The following RORA variants were observed in gnomAD, a reference collection of about 807,000 sequenced individuals.
RORA encodes the protein RAR related orphan receptor A, also known as nuclear receptor ROR-alpha.
RORA carries 7 observed loss-of-function variants against 69.5 expected under a neutral mutation model. The observed-to-expected ratio is 0.10, with a 90% confidence interval of 0.06 to 0.19. The LOEUF is 0.19. Among genes scored for constraint, RORA ranks in the 10% least tolerant of loss-of-function variants. The pLI is 1.00. For missense variants in RORA, 457 were observed against 663.0 expected (o/e 0.69, Z 3.41); for synonymous variants, 261 against 240.8 (o/e 1.08, Z -0.78).
intron 1 of RORA, among the ~76,000 whole-genome samples, chr15:60,817,789 C>A (rs959500175): frequency 6.6e-6 from 1 of 152,240 alleles, no homozygotes; most frequent in Non-Finnish European, 1.5e-5. Context: ...CAGAGAGAAT[C>A]ATACCTACCT....
chr15:61,176,967 A>G (rs2079634593), intron 1 of RORA, among the ~76,000 whole-genome samples: 1 of 152,206 alleles, frequency 6.6e-6, no homozygotes, highest in Non-Finnish European at 1.5e-5. Context: ...CATTTATTGA[A>G]TGCCTGCTCT....
chr15:60,695,997 A>G (rs2070898671), intron 1 of RORA, among the ~76,000 whole-genome samples: 1 of 152,110 alleles, frequency 6.6e-6, no homozygotes, highest in African/African-American at 2.4e-5. Flanking sequence ...AAGAACTCCT[A>G]CATCACTTAT....
chr15:60,989,457 C>T (rs1346528655), intron 1 of RORA, among the ~76,000 whole-genome samples: 4 of 152,092 alleles, frequency 2.6e-5, no homozygotes, highest in Admixed American at 1.3e-4. Context: ...ATTTATGTAT[C>T]CATTAATCAG....
chr15:60,831,981 T>C (rs1046415426), intron 1 of RORA, among the ~76,000 whole-genome samples: 2 of 152,218 alleles, frequency 1.3e-5, no homozygotes, highest in African/African-American at 4.8e-5. Context: ...GGACAGTGTC[T>C]GCTGAGCTGC....
chr15:60,945,360 G>A (rs1892839344), intron 1 of RORA, among the ~76,000 whole-genome samples: 1 of 152,180 alleles, frequency 6.6e-6, no homozygotes, highest in Admixed American at 6.5e-5. Context: ...ATGGAGGCAA[G>A]TGGTGCCAAC....
chr15:61,063,422 A>G (rs1009893611), intron 1 of RORA, among the ~76,000 whole-genome samples: 1 of 152,276 alleles, frequency 6.6e-6, no homozygotes, highest in Non-Finnish European at 1.5e-5. Flanking sequence ...CAGTAAATGT[A>G]TAAAGCATTT....
chr15:60,850,840 G>A (rs2073316122), intron 1 of RORA, among the ~76,000 whole-genome samples: 1 of 152,136 alleles, frequency 6.6e-6, no homozygotes. Flanking sequence ...TCCTTGCTTT[G>A]GGAATGTTTC....
intron 1 of RORA, among the ~76,000 whole-genome samples, chr15:60,924,790 G>A (rs1892158469): frequency 6.6e-6 from 1 of 152,124 alleles, no homozygotes; most frequent in Non-Finnish European, 1.5e-5. Context: ...GGATTTAAAG[G>A]TAATCAGGCC....
intron 1 of RORA, among the ~76,000 whole-genome samples, chr15:61,004,324 G>C (rs1287544486): frequency 6.6e-6 from 1 of 151,672 alleles, no homozygotes; most frequent in Non-Finnish European, 1.5e-5. Context: ...AAATAATACA[G>C]CAAGAGGAAG....
In RORA at chr15:61,061,082, G is replaced by A. The variant is rs550854079; in HGVS notation, c.166+167971C>T. Among the ~76,000 whole-genome samples, 62 of 152,232 alleles carry A rather than the reference G, an allele frequency of 4.1e-4. No homozygotes were observed. The highest frequency in any genetic ancestry group is 1.4e-3 in the African/African-American group (57 of 41,556). ...AAAGGGCATTGCAAGGGCTGGGCGC[G>A]GTGGCTCGTGCCTGTAATCCCAGCA... On this transcript the variant is annotated intron_variant, in intron 1 of 10. Coordinates refer to ENST00000335670, the MANE Select transcript of RORA (RefSeq NM_134261.3). This position sits in a 1 kb window ranked among gnomAD's most constrained non-coding sequence, Gnocchi z 4.4.
chr15:60,813,659 T>G (rs2072773718), intron 1 of RORA, among the ~76,000 whole-genome samples: 1 of 152,156 alleles, frequency 6.6e-6, no homozygotes, highest in Non-Finnish European at 1.5e-5. Flanking sequence ...CTGGCCACAG[T>G]TGAGGGAGTA....
chr15:61,185,818 C>T (rs571418366), intron 1 of RORA, among the ~76,000 whole-genome samples: 1 of 152,262 alleles, frequency 6.6e-6, no homozygotes, highest in South Asian at 2.1e-4. Context: ...AGAAGGTCGT[C>T]GGCAGTCACA....
intron 1 of RORA, among the ~76,000 whole-genome samples, chr15:60,975,686 G>A (rs928789021): frequency 2.0e-5 from 3 of 152,134 alleles, no homozygotes; most frequent in East Asian, 1.9e-4. Context: ...GTAATCATGC[G>A]TATGTGTGAG....
In RORA at chr15:60,725,696, A is replaced by G. The variant is rs543569168; in HGVS notation, c.167-47010T>C. Reference sequence around the variant, plus strand: ...CTTTTTTGTACCCCCTCCCATGGAAATTTCTTGACAAGAGATCATTGTGAC... The same window carrying G: ...CTTTTTTGTACCCCCTCCCATGGAAGTTTCTTGACAAGAGATCATTGTGAC... On this transcript the variant is annotated intron_variant, in intron 1 of 10. Coordinates refer to ENST00000335670, the MANE Select transcript of RORA (RefSeq NM_134261.3). Among the ~76,000 whole-genome samples the G allele has an allele frequency of 9.5e-4, 144 of 152,276 alleles. 1 individual carries two copies. Among genetic ancestry groups the G allele is most frequent in the Middle Eastern group, 3.4e-3 (1 of 294 alleles).
chr15:60,499,086 T>C (rs751777097), intron 10 of RORA, among the ~76,000 whole-genome samples: 15 of 152,186 alleles, frequency 9.9e-5, no homozygotes, highest in Non-Finnish European at 1.8e-4. Context: ...TGAAACCTTA[T>C]GCTTTGAATA....
rs1595817774 is a variant in RORA, at chr15:60,921,292, C to G, written c.167-242606G>C. Among the ~76,000 whole-genome samples, 3 of 152,280 alleles carry G rather than the reference C, an allele frequency of 2.0e-5. No homozygotes were observed. The East Asian group carries it at 5.8e-4, about 29-fold the overall frequency. On this transcript the variant is annotated intron_variant, in intron 1 of 10. Coordinates refer to ENST00000335670, the MANE Select transcript of RORA (RefSeq NM_134261.3). ...AATGGAAATACCACTAATTCCATCC[C>G]TAACAGAATGGATCAATCATGGCAC...
At chr15:60,763,096 T>TTTTTTTTTTTTTTTA (rs375632043) in intron 1 of RORA, among the ~76,000 whole-genome samples, 4 of 109,368 alleles carry the variant, frequency 3.7e-5, no homozygotes, top group Non-Finnish European at 5.8e-5. Flanking sequence ...TTTTTTTTTT[T>TTTTTTTTTTTTTTTA]AACCAACCTA....
At chr15:60,692,926 G>C (rs1369149409) in intron 1 of RORA, among the ~76,000 whole-genome samples, 1 of 152,148 alleles carries the variant, frequency 6.6e-6, no homozygotes, top group African/African-American at 2.4e-5. Context: ...TTGAAAAAGA[G>C]GGACTCCTCC....
At chr15:60,720,458 C>CT (rs2071279666) in intron 1 of RORA, among the ~76,000 whole-genome samples, 1 of 152,188 alleles carries the variant, frequency 6.6e-6, no homozygotes, top group African/African-American at 2.4e-5. Context: ...ACCCAGTCAC[C>CT]TTTTATCAAG....
Sources: gnomAD v4.1 joint callset for allele counts (sites outside exome capture counted in the v4.1 genomes callset) on GRCh38, gnomAD v4.1.1 for gene constraint, Gnocchi (gnomAD v3.1) non-coding constraint, MANE v1.5 for transcripts, NCBI Gene and HGNC (gene_info 2026-07-23, HGNC 2026-07-21) for gene names.